Variants in PHF21B observed in about 807,000 individuals in gnomAD.
PHF21B encodes the protein PHD finger protein 21B, also known as PHD finger protein 4.
In PHF21B, 22 loss-of-function variants were observed where a neutral mutation model predicts 62.2. The ratio of observed to expected loss-of-function variants is 0.35; its 90% CI spans 0.25 to 0.51. The LOEUF is 0.51. Ranked by LOEUF, PHF21B falls within the 20% of genes least tolerant of loss-of-function variation. The pLI, the probability that PHF21B is intolerant of heterozygous loss-of-function variation, is 0.97. For synonymous variants in PHF21B, 341 were observed against 314.7 expected, an observed-to-expected ratio of 1.08 and a Z score of -0.88; for missense variants, 701 against 707.9, an observed-to-expected ratio of 0.99 and a Z score of 0.11.
chr22:44,978,724 G>A (rs763438845), intron 2 of PHF21B, among the ~76,000 whole-genome samples: 2 of 152,166 alleles, frequency 1.3e-5, no homozygotes, highest in Non-Finnish European at 2.9e-5. Flanking sequence ...TAGAATGACC[G>A]CCCTTTTTTC....
intron 2 of PHF21B, among the ~76,000 whole-genome samples, chr22:44,935,531 G>A (rs1027317628): frequency 3.3e-5 from 5 of 152,004 alleles, no homozygotes; most frequent in African/African-American, 7.3e-5. Context: ...GGAGAATGGC[G>A]TGAACCCGGG....
chr22:44,954,904 T>C (rs975009158), intron 2 of PHF21B, among the ~76,000 whole-genome samples: 1 of 152,080 alleles, frequency 6.6e-6, no homozygotes, highest in Non-Finnish European at 1.5e-5. Context: ...AGGACAGTCC[T>C]CCAGGGAGAA....
intron 2 of PHF21B, among the ~76,000 whole-genome samples, chr22:44,995,151 A>T (rs1170652058): frequency 6.6e-6 from 1 of 152,220 alleles, no homozygotes; most frequent in Non-Finnish European, 1.5e-5. Context: ...GGGGGGGATG[A>T]ATTACTGTAC....
At chr22:44,972,401 G>A (rs968322923) in intron 2 of PHF21B, among the ~76,000 whole-genome samples, 2 of 152,202 alleles carry the variant, frequency 1.3e-5, no homozygotes, top group African/African-American at 4.8e-5. Context: ...AACCTGAAAA[G>A]CCAAAGAAGC....
chr22:45,002,644 C>A (rs542301155), intron 2 of PHF21B, among the ~76,000 whole-genome samples: 2 of 152,354 alleles, frequency 1.3e-5, no homozygotes, highest in South Asian at 4.1e-4. Flanking sequence ...CCTTCACACT[C>A]CTCCCTTCTG....
intron 2 of PHF21B, among the ~76,000 whole-genome samples, chr22:44,929,562 T>C (rs768436605): frequency 5.3e-5 from 8 of 152,180 alleles, no homozygotes; most frequent in Admixed American, 1.3e-4. Context: ...GGCCAACCCA[T>C]GTGCATTTGA....
chr22:44,963,761 ACAAACAC>A, intron 2 of PHF21B, among the ~76,000 whole-genome samples: 1 of 152,326 alleles, frequency 6.6e-6, no homozygotes, highest in East Asian at 1.9e-4. Context: ...CATCTGAAGG[ACAAACAC>A]CACCAAAGTT....
chr22:44,895,141 G>A (rs538780865), intron 6 of PHF21B, among the ~76,000 whole-genome samples: 161 of 152,284 alleles, frequency 1.1e-3, no homozygotes, highest in African/African-American at 3.8e-3. Flanking sequence ...GGTGGAATAC[G>A]TTCTGGGTTG....
chr22:44,903,591 G>A (rs932782513), intron 5 of PHF21B, among the ~76,000 whole-genome samples: 1 of 152,180 alleles, frequency 6.6e-6, no homozygotes, highest in Admixed American at 6.5e-5. Context: ...GGGATCAACT[G>A]GCTTCATTCT....
chr22:45,008,491 T>G, intron 2 of PHF21B, 54 bp downstream of exon 2: 2 of 1,466,472 alleles, frequency 1.4e-6, no homozygotes, highest in Non-Finnish European at 1.8e-6. Context: ...GCCGCCAAAG[T>G]GCCCAGCCAC....
At chr22:44,972,368 A>C (rs915237861) in intron 2 of PHF21B, among the ~76,000 whole-genome samples, 8 of 152,332 alleles carry the variant, frequency 5.3e-5, no homozygotes, top group Middle Eastern at 3.4e-3. Context: ...GTGCATTTTC[A>C]TCATTTTGTT....
Position 44,916,444 on chromosome 22 carries a change from C to T in PHF21B, c.400G>A (p.Ala134Thr), listed in dbSNP as rs374291941. 115 of 1,598,518 alleles carry T rather than the reference C, an allele frequency of 7.2e-5. No homozygotes were observed. Among genetic ancestry groups the T allele is most frequent in the Non-Finnish European group, 9.2e-5 (108 of 1,176,404 alleles). Residue 134 changes from alanine (A) to threonine (T), a missense_variant, in exon 4 of 13, where the codon GCC becomes ACC. Ala to Thr is a moderately conservative substitution (Grantham distance 58). Coordinates refer to ENST00000313237, the MANE Select transcript of PHF21B (RefSeq NM_138415.5). The stretch of plus-strand genomic sequence containing the variant: ...GGAGAGGCGAGGGCGGCGGGCTCGG[C>T]GAGGGCCTGGGGCTGGCTGCCGGGC... ...PAPGSQPQAL[A>T]EPAALASPLS...
Position 44,987,336 on chromosome 22 carries a change from A to G in PHF21B, c.120+21209T>C, listed in dbSNP as rs376670234. Among the ~76,000 whole-genome samples the G allele has an allele frequency of 7.9e-5, 12 of 152,236 alleles. No homozygotes were observed. In the East Asian group the frequency reaches 1.9e-3, roughly 25 times the overall value. ...AGGAAGGCCAGTGGGACCCCCGGGGAGACCAATGTTTCTGAAGCCAGCAGC... is the reference window on the plus strand; with the variant it reads ...AGGAAGGCCAGTGGGACCCCCGGGGGGACCAATGTTTCTGAAGCCAGCAGC... On this transcript the variant is annotated intron_variant, in intron 2 of 12. Coordinates refer to ENST00000313237, the MANE Select transcript of PHF21B (RefSeq NM_138415.5).
chr22:45,009,121 GC>G lies in PHF21B; in HGVS notation c.54+374del. On this transcript the variant is annotated intron_variant, in intron 1 of 12. Transcript: ENST00000313237. This position sits in a 1 kb window ranked among gnomAD's most constrained non-coding sequence, Gnocchi z 5.9. ...CTACTTCTGCACACCGGGCAGGTTC[GC>G]CCGGGGCGCGGGGGCCCGAGGGGAG... The G allele has an allele frequency of 1.2e-6, 1 of 868,840 alleles. No individual in the cohort carries two copies. The allele number at this position is 868,840 out of a possible 1,614,324, so 53.8% of individuals were successfully genotyped here. A position where few individuals can be genotyped will look rare whatever the true frequency, so the allele number is the denominator to read the frequency against.
intron 8 of PHF21B, among the ~76,000 whole-genome samples, 162 bp downstream of exon 8, chr22:44,891,144 G>T (rs1408195829): frequency 6.6e-6 from 1 of 152,172 alleles, no homozygotes; most frequent in Non-Finnish European, 1.5e-5. Context: ...GGAGCGGGGA[G>T]GTGGGAGGCT....
intron 2 of PHF21B, among the ~76,000 whole-genome samples, chr22:44,962,816 T>C (rs2072450862): frequency 6.6e-6 from 1 of 152,014 alleles, no homozygotes; most frequent in Non-Finnish European, 1.5e-5. Flanking sequence ...GGTGGGGGCG[T>C]GCTTTACTTG....
chr22:44,970,827 T>C (rs2072623141), intron 2 of PHF21B: 1 of 152,188 alleles, frequency 6.6e-6, no homozygotes, highest in Admixed American at 6.5e-5. Context: ...AGGGACACAG[T>C]CTAAGACTTC....
chr22:44,891,429 C>T, intron 7 of PHF21B, 69 bp from the exon 8 acceptor site: 1 of 1,556,552 alleles, frequency 6.4e-7, no homozygotes, highest in Middle Eastern at 1.7e-4. Flanking sequence ...GACGTCACCC[C>T]AGGTCAGGAC....
At chr22:44,926,914 A>G (rs1283418716) in intron 2 of PHF21B, among the ~76,000 whole-genome samples, 1 of 152,026 alleles carries the variant, frequency 6.6e-6, no homozygotes, top group Non-Finnish European at 1.5e-5. Flanking sequence ...ATACCCACTC[A>G]GGTGTGCACA....
Sources: allele counts gnomAD v4.1 joint callset (sites outside exome capture counted in the v4.1 genomes callset), GRCh38; gene constraint gnomAD v4.1.1; non-coding constraint Gnocchi (gnomAD v3.1); transcripts MANE v1.5; gene names NCBI Gene and HGNC (gene_info 2026-07-23, HGNC 2026-07-21).